NBEAL1: variants seen among roughly 807,000 people sequenced by gnomAD.
NBEAL1 encodes neurobeachin like 1.
In NBEAL1, 273 loss-of-function variants were observed where a neutral mutation model predicts 351.3. The ratio of observed to expected loss-of-function variants is 0.78; its 90% CI spans 0.70 to 0.86. NBEAL1 has a LOEUF of 0.86. Among genes scored for constraint, NBEAL1 ranks in the 40% least tolerant of loss-of-function variants. NBEAL1 has a pLI of 0.00. For missense variants in NBEAL1, 2,961 were observed against 3,201.3 expected (o/e 0.92, Z 1.81); for synonymous variants, 1,050 against 1,086.4 (o/e 0.97, Z 0.66).
intron 54 of NBEAL1, among the ~76,000 whole-genome samples, chr2:203,211,843 A>C (rs2065796786): frequency 6.6e-6 from 1 of 152,138 alleles, no homozygotes; most frequent in Admixed American, 6.6e-5. Context: ...GTTGTCATTT[A>C]ATCTAGTGAA....
At chr2:203,177,445 A>T (rs1384216465) in intron 42 of NBEAL1, among the ~76,000 whole-genome samples, 11 of 152,040 alleles carry the variant, frequency 7.2e-5, no homozygotes, top group Non-Finnish European at 5.9e-5. Context: ...CAATTAAAAC[A>T]TAGACAACAG....
chr2:203,105,358 C>T (rs572222221), intron 12 of NBEAL1, among the ~76,000 whole-genome samples: 85 of 151,380 alleles, frequency 5.6e-4, no homozygotes, highest in African/African-American at 1.8e-3. Context: ...CCCAGCTACT[C>T]GGGAGGCTGA....
intron 31 of NBEAL1, among the ~76,000 whole-genome samples, chr2:203,143,622 A>G (rs1159735793): frequency 6.6e-6 from 1 of 152,172 alleles, no homozygotes; most frequent in Non-Finnish European, 1.5e-5. Flanking sequence ...GCCAATAGCA[A>G]TTAGGGCTGT....
chr2:203,116,467 T>C (rs963914768), intron 18 of NBEAL1, among the ~76,000 whole-genome samples: 2 of 151,714 alleles, frequency 1.3e-5, no homozygotes, highest in South Asian at 4.2e-4. Flanking sequence ...GAAGAAAAAA[T>C]GTTCACTTCA....
chr2:203,126,824 G>C lies in NBEAL1; in HGVS notation c.3146G>C (p.Gly1049Ala), dbSNP rs760223724. 3.2e-6 allele frequency: 5 copies of C among 1,550,140 alleles called. No individual in the cohort carries two copies. Among genetic ancestry groups the C allele is most frequent in the Non-Finnish European group, 4.4e-6 (5 of 1,146,418 alleles). The stretch of plus-strand genomic sequence containing the variant: ...CTTACCATTGAACTTTTTATTTTAG[G>C]TCACATACAGTATCTTTCAACCATC... ...WNRGDFPFRI[G>A]HIQYLSTIIK... Residue 1049 changes from glycine to alanine, a missense_variant and splice_region_variant, in exon 23 of 56, where the codon GGT becomes GCT. By Grantham distance (60) the Gly-to-Ala change is moderately conservative. Coordinates refer to ENST00000683969, the MANE Select transcript of NBEAL1 (RefSeq NM_001378026.1).
At chr2:203,030,676 A>G (rs2060936209) in intron 2 of NBEAL1, among the ~76,000 whole-genome samples, 2 of 152,162 alleles carry the variant, frequency 1.3e-5, no homozygotes, top group Non-Finnish European at 2.9e-5. Flanking sequence ...CAACAGAAGT[A>G]GACAGTAAAC....
In NBEAL1 at chr2:203,154,886, G is replaced by A. The variant is rs541074304; in HGVS notation, c.5588-2813G>A. On this transcript the variant is annotated intron_variant, in intron 35 of 55. Transcript: ENST00000683969. ...GGAGGTCGAGGCTACAGTGAGCCAC[G>A]ATCGTGTCACTGCACTCCAGCCTGG... Among the ~76,000 whole-genome samples the A allele has an allele frequency of 2.4e-4, 34 of 141,724 alleles. No individual in the cohort carries two copies. The South Asian group carries it at 6.9e-3, about 29-fold the overall frequency. 93.0% of individuals were successfully genotyped at this position (141,724 alleles called of 152,430 possible).
At chr2:203,208,505 A>T (rs1423597963) in intron 51 of NBEAL1, 132 bp from the exon 52 acceptor site, 1 of 653,076 alleles carries the variant, frequency 1.5e-6, no homozygotes, top group African/African-American at 1.9e-5. Flanking sequence ...GAGTACTATT[A>T]TGAATAGACT....
rs376292561 is a variant in NBEAL1 at position 203,203,073 on chromosome 2, G to A, written c.7506+292G>A. Among the ~76,000 whole-genome samples, 8 of 152,148 alleles carry A rather than the reference G, an allele frequency of 5.3e-5. No homozygotes were observed. The East Asian group carries it at 1.2e-3, about 22-fold the overall frequency. Reference sequence around the variant, plus strand: ...TAGTAACATTTCTGCTTTCTTTCTTGTGGGACTACTAGAAATGATAGATTT... The same window carrying A: ...TAGTAACATTTCTGCTTTCTTTCTTATGGGACTACTAGAAATGATAGATTT... On this transcript the variant is annotated intron_variant, in intron 51 of 55. Coordinates refer to ENST00000683969, the MANE Select transcript of NBEAL1 (RefSeq NM_001378026.1).
intron 43 of NBEAL1, chr2:203,182,649 C>T (rs2064753557): frequency 6.6e-6 from 1 of 152,210 alleles, no homozygotes; most frequent in African/African-American, 2.4e-5. Context: ...TCCTCTCCAA[C>T]TTGTGATACA....
intron 2 of NBEAL1, among the ~76,000 whole-genome samples, chr2:203,020,690 A>G (rs1230969053): frequency 2.6e-5 from 4 of 151,920 alleles, no homozygotes; most frequent in Admixed American, 2.0e-4. Context: ...AAAAAAAAGA[A>G]AAACCCCAAA....
chr2:203,065,162 G>C (rs998630935), intron 6 of NBEAL1, among the ~76,000 whole-genome samples: 1 of 152,070 alleles, frequency 6.6e-6, no homozygotes, highest in Non-Finnish European at 1.5e-5. Context: ...AGGAGGCTGA[G>C]GTGGGAAGAT....
chr2:203,049,278 C>T (rs1276514178), intron 3 of NBEAL1, among the ~76,000 whole-genome samples: 5 of 152,096 alleles, frequency 3.3e-5, no homozygotes, highest in Non-Finnish European at 4.4e-5. Flanking sequence ...AGGCTGGTCT[C>T]GAGCTCCTAA....
At chr2:203,066,619 A>T (rs2061591419) in intron 6 of NBEAL1, among the ~76,000 whole-genome samples, 1 of 151,984 alleles carries the variant, frequency 6.6e-6, no homozygotes, top group African/African-American at 2.4e-5. Flanking sequence ...CACTTCCCAG[A>T]CGGGACGGGG....
chr2:203,077,879 A>G (rs2061804781), intron 8 of NBEAL1, 42 bp downstream of exon 8: 4 of 1,127,440 alleles, frequency 3.5e-6, no homozygotes, highest in East Asian at 2.8e-5. Context: ...ATTATAATTA[A>G]CAGTGCAAAA....
intron 31 of NBEAL1, among the ~76,000 whole-genome samples, chr2:203,139,857 C>T (rs1206094866): frequency 6.6e-6 from 1 of 151,618 alleles, no homozygotes; most frequent in Non-Finnish European, 1.5e-5. Flanking sequence ...TGAACCACTG[C>T]CCCCGGTCAC....
Position 203,046,109 on chromosome 2 carries a change from A to G in NBEAL1, c.144-3705A>G, listed in dbSNP as rs915999512. Among the ~76,000 whole-genome samples, 8 of 152,278 alleles carry G rather than the reference A, an allele frequency of 5.3e-5. No individual in the cohort carries two copies. In the East Asian group the frequency reaches 1.2e-3, roughly 22 times the overall value. On this transcript the variant is annotated intron_variant, in intron 3 of 55. Transcript: ENST00000683969. ...GTGGGAGGCTAGCTTAAGGCCAGGA[A>G]TTAGAGACCAGCCTGGACAATATAG... is the stretch of plus-strand genomic sequence containing the variant.
At chr2:203,112,399 T>C (rs1024402208) in intron 16 of NBEAL1, among the ~76,000 whole-genome samples, 1 of 152,224 alleles carries the variant, frequency 6.6e-6, no homozygotes, top group Non-Finnish European at 1.5e-5. Context: ...TAATAAAAGC[T>C]CTCTAAGTAT....
intron 44 of NBEAL1, among the ~76,000 whole-genome samples, chr2:203,187,367 GTTTTTTTTTT>G (rs71034225): frequency 2.3e-5 from 2 of 87,790 alleles, no homozygotes; most frequent in African/African-American, 8.7e-5. Context: ...TCTTGCAATG[GTTTTTTTTTT>G]TTTTTTTTTT....
Sources: gnomAD v4.1 joint callset for allele counts (sites outside exome capture counted in the v4.1 genomes callset) on GRCh38, gnomAD v4.1.1 for gene constraint, MANE v1.5 for transcripts, NCBI Gene and HGNC (gene_info 2026-07-23, HGNC 2026-07-21) for gene names.